Variants in LRRC49 observed in about 807,000 individuals in gnomAD.
The protein encoded by LRRC49 is leucine rich repeat containing 49.
Under a neutral mutation model 83.3 loss-of-function variants are expected in LRRC49, and 50 were observed. The ratio of observed to expected loss-of-function variants is 0.60; its 90% CI spans 0.48 to 0.76. The LOEUF (loss-of-function observed/expected upper bound fraction) is 0.76, where lower values mean the gene tolerates loss of function less well. Ranked by LOEUF, LRRC49 falls within the 30% of genes least tolerant of loss-of-function variation. The probability of loss-of-function intolerance (pLI) is 0.00; values close to 1 mark genes in which losing one functional copy is unlikely to be tolerated. For synonymous variants in LRRC49, 286 were observed against 283.3 expected (o/e 1.01, Z -0.10); for missense variants, 704 against 809.1 (o/e 0.87, Z 1.58).
chr15:70,903,662 C>T (rs12442048), intron 4 of LRRC49, among the ~76,000 whole-genome samples: 1 of 151,998 alleles, frequency 6.6e-6, no homozygotes, highest in Non-Finnish European at 1.5e-5. Flanking sequence ...TTCTAATAAA[C>T]TTCCCTATTA....
chr15:70,893,301 A>G, intron 1 of LRRC49: 1 of 554,038 alleles, frequency 1.8e-6, no homozygotes, highest in East Asian at 3.1e-5. Flanking sequence ...TCTCATTGAG[A>G]TGTTTATTTA....
At chr15:70,986,120 C>G (rs1470715102) in intron 11 of LRRC49, among the ~76,000 whole-genome samples, 1 of 149,780 alleles carries the variant, frequency 6.7e-6, no homozygotes, top group Admixed American at 6.6e-5. Context: ...GATGTGGGCT[C>G]TTTTTTGGTT....
chr15:71,033,355 G>A (rs571363104), intron 14 of LRRC49, among the ~76,000 whole-genome samples: 2 of 152,158 alleles, frequency 1.3e-5, no homozygotes, highest in South Asian at 4.1e-4. Flanking sequence ...TTTTCAAGAA[G>A]AACTACAAAT....
chr15:71,004,689 A>G (rs1228604844), intron 11 of LRRC49, among the ~76,000 whole-genome samples: 3 of 152,052 alleles, frequency 2.0e-5, no homozygotes, highest in African/African-American at 7.2e-5. Context: ...AATGTGGTAC[A>G]TATACACCAA....
chr15:70,899,264 C>G (rs1209582417), intron 3 of LRRC49, among the ~76,000 whole-genome samples: 1 of 152,148 alleles, frequency 6.6e-6, no homozygotes, highest in Non-Finnish European at 1.5e-5. Flanking sequence ...CTAACTAATG[C>G]TAACAAGAGA....
intron 9 of LRRC49, among the ~76,000 whole-genome samples, chr15:70,964,403 G>A (rs923799168): frequency 7.2e-5 from 11 of 152,032 alleles, no homozygotes; most frequent in Admixed American, 3.3e-4. Context: ...GGTTTGTCGC[G>A]AAGATGAAAT....
chr15:70,945,800 A>G (rs2035988438), intron 8 of LRRC49, among the ~76,000 whole-genome samples: 4 of 152,246 alleles, frequency 2.6e-5, no homozygotes, highest in Admixed American at 2.6e-4. Context: ...TAAGGAGGAT[A>G]CTTCTGGAAG....
chr15:71,026,095 G>T (rs571659019), intron 14 of LRRC49, among the ~76,000 whole-genome samples: 1 of 151,420 alleles, frequency 6.6e-6, no homozygotes, highest in East Asian at 1.9e-4. Flanking sequence ...AGGCCCTGTT[G>T]TGTGATGTTC....
At chr15:70,996,248 G>A (rs1300186375) in intron 11 of LRRC49, among the ~76,000 whole-genome samples, 1 of 152,014 alleles carries the variant, frequency 6.6e-6, no homozygotes. Flanking sequence ...ACTTCTACTG[G>A]TTGTAGATTT....
At chr15:70,869,106 A>G (rs1881566) in intron 1 of LRRC49, among the ~76,000 whole-genome samples, 82,972 of 151,580 alleles carry the variant, frequency 0.55, 23,439 homozygotes, top group Admixed American at 0.69. Context: ...AGTAATTGGA[A>G]AAAAAATTTT....
At chr15:70,853,922 C>T in intron 1 of LRRC49, 1 of 1,399,626 alleles carries the variant, frequency 7.1e-7, no homozygotes, top group Non-Finnish European at 9.3e-7. Context: ...CTCGCTCGCG[C>T]TGCCCCAGCC....
upstream of LRRC49, chr15:70,892,347 G>A (rs1410085106): frequency 6.5e-7 from 1 of 1,548,658 alleles, no homozygotes; most frequent in Non-Finnish European, 8.7e-7. Context: ...CAGCGGCCTC[G>A]GCGAGGCAAG....
At chr15:70,904,482 C>A in intron 4 of LRRC49, 70 bp from the exon 5 acceptor site, 1 of 1,033,080 alleles carries the variant, frequency 9.7e-7, no homozygotes, top group Non-Finnish European at 1.5e-6. Flanking sequence ...AAAGATACTA[C>A]TAATAATATT....
In LRRC49 at chr15:70,992,535, C is replaced by T. The variant is rs553948416; in HGVS notation, c.1169+8278C>T. ...TAGTTTTCCTTCTAACAGTCAGGAC[C>T]CTCAGCTGTAGGTCTGTTGGAGTTT... On this transcript the variant is annotated intron_variant, in intron 11 of 15. Coordinates refer to ENST00000260382, the MANE Select transcript of LRRC49 (RefSeq NM_017691.5). Among the ~76,000 whole-genome samples, 5 of 152,278 alleles carry T rather than the reference C, an allele frequency of 3.3e-5. No individual in the cohort carries two copies. In the South Asian group the frequency reaches 1.0e-3, roughly 32 times the overall value.
chr15:70,888,706 A>G (rs777821290), upstream of LRRC49, among the ~76,000 whole-genome samples: 1 of 152,198 alleles, frequency 6.6e-6, no homozygotes, highest in Non-Finnish European at 1.5e-5. Flanking sequence ...AGATAAAAAC[A>G]TTTAACTGAA....
chr15:70,854,177 G>T (rs930317965), intron 1 of LRRC49: 8 of 996,552 alleles, frequency 8.0e-6, no homozygotes, highest in Non-Finnish European at 1.0e-5. Context: ...GGGCGGGGGC[G>T]GTGCGAGCGC....
chr15:70,911,212 T>C (rs2034536257), intron 5 of LRRC49, among the ~76,000 whole-genome samples: 1 of 152,164 alleles, frequency 6.6e-6, no homozygotes, highest in Non-Finnish European at 1.5e-5. Flanking sequence ...GGTTAGTGCC[T>C]TGTAGGCAGA....
intron 2 of LRRC49, among the ~76,000 whole-genome samples, chr15:70,886,730 G>A (rs977644598): frequency 6.6e-6 from 1 of 152,094 alleles, no homozygotes; most frequent in Non-Finnish European, 1.5e-5. Context: ...GCTGGGTGCG[G>A]TGGCAGGCAC....
upstream of LRRC49, among the ~76,000 whole-genome samples, chr15:70,890,023 T>C (rs1391941165): frequency 1.3e-5 from 2 of 152,214 alleles, no homozygotes; most frequent in South Asian, 2.1e-4. Context: ...GTACTATGGA[T>C]TGTTATAAAT....
Sources: allele counts gnomAD v4.1 joint callset (sites outside exome capture counted in the v4.1 genomes callset), GRCh38; gene constraint gnomAD v4.1.1; transcripts MANE v1.5; gene names NCBI Gene and HGNC (gene_info 2026-07-23, HGNC 2026-07-21).